The following DYNLRB1 variants were observed in gnomAD, a reference collection of about 807,000 sequenced individuals.
The protein encoded by DYNLRB1 is dynein light chain roadblock-type 1.
DYNLRB1 carries 6 observed loss-of-function variants against 13.5 expected under a neutral mutation model. That is an observed-to-expected ratio of 0.44 (90% CI 0.24 to 0.88). DYNLRB1 has a LOEUF of 0.88. DYNLRB1 is among the 40% of genes least tolerant of loss of function. DYNLRB1 has a pLI of 0.21. For synonymous variants in DYNLRB1, 43 were observed against 45.0 expected, an observed-to-expected ratio of 0.96 and a Z score of 0.18; for missense variants, 93 against 127.2, an observed-to-expected ratio of 0.73 and a Z score of 1.29.
At chr20:34,531,720 G>A (rs1980726890) in intron 2 of DYNLRB1, among the ~76,000 whole-genome samples, 1 of 152,210 alleles carries the variant, frequency 6.6e-6, no homozygotes. Flanking sequence ...AGCCCTTGGG[G>A]AGCTTACATT....
At chr20:34,528,162 A>T (rs1980384820) in intron 2 of DYNLRB1, among the ~76,000 whole-genome samples, 1 of 92,050 alleles carries the variant, frequency 1.1e-5, no homozygotes, top group Non-Finnish European at 2.3e-5. Flanking sequence ...AATACAAAAA[A>T]TTAGCCGGGC....
chr20:34,522,272 C>G (rs1979783123), intron 1 of DYNLRB1, among the ~76,000 whole-genome samples: 1 of 152,066 alleles, frequency 6.6e-6, no homozygotes, highest in South Asian at 2.1e-4. Context: ...CCTTTCCAAA[C>G]CTGTTTCCCC....
chr20:34,529,148 T>G (rs1180060844), intron 2 of DYNLRB1, among the ~76,000 whole-genome samples: 1 of 152,162 alleles, frequency 6.6e-6, no homozygotes, highest in East Asian at 1.9e-4. Flanking sequence ...CACGGTTTGT[T>G]TATGTGTTTC....
chr20:34,529,097 A>G (rs1307311911), intron 2 of DYNLRB1, among the ~76,000 whole-genome samples: 1 of 152,214 alleles, frequency 6.6e-6, no homozygotes, highest in African/African-American at 2.4e-5. Context: ...GAAGTGGTAC[A>G]GCAGTGCCTG....
intron 2 of DYNLRB1, among the ~76,000 whole-genome samples, chr20:34,527,243 C>G (rs1277666020): frequency 2.0e-5 from 3 of 152,232 alleles, no homozygotes; most frequent in Non-Finnish European, 4.4e-5. Flanking sequence ...CCCCCAGACC[C>G]TCACGCTCCA....
At position 34,540,790 on chromosome 20, in the gene DYNLRB1, C is replaced by T; in HGVS notation, c.*166C>T. ...CTCTTCTCCCCCACCAACGGAACCCCTGTGTGCACCAACCTTCCCCAGAGC... is the reference window on the plus strand; with the variant it reads ...CTCTTCTCCCCCACCAACGGAACCCTTGTGTGCACCAACCTTCCCCAGAGC... On this transcript the variant is annotated 3_prime_UTR_variant, in exon 4 of 4. Transcript: ENST00000357156. 1 of 641,490 alleles carries T rather than the reference C, an allele frequency of 1.6e-6. No individual in the cohort carries two copies. Among genetic ancestry groups the T allele is most frequent in the Non-Finnish European group, 2.6e-6 (1 of 379,996 alleles). 39.7% of individuals were successfully genotyped at this position (641,490 alleles called of 1,614,324 possible). A position where few individuals can be genotyped will look rare whatever the true frequency, so the allele number is the denominator to read the frequency against.
chr20:34,516,923 A>T (rs1478890294), intron 1 of DYNLRB1: 1 of 1,376,724 alleles, frequency 7.3e-7, no homozygotes, highest in African/African-American at 1.5e-5. Flanking sequence ...TCTGTTATTC[A>T]GCGCCCCGAG....
intron 3 of DYNLRB1, among the ~76,000 whole-genome samples, chr20:34,537,678 G>A (rs1981254285): frequency 6.6e-6 from 1 of 152,224 alleles, no homozygotes; most frequent in Non-Finnish European, 1.5e-5. Flanking sequence ...GGAGGCCCTG[G>A]CGCTGAATTG....
chr20:34,535,037 C>T (rs1568603799), intron 3 of DYNLRB1: 6 of 1,346,952 alleles, frequency 4.5e-6, no homozygotes, highest in Non-Finnish European at 4.8e-6. Flanking sequence ...ACGTGAGCAT[C>T]ATGTGTGTCT....
chr20:34,521,845 A>C (rs1979745522), intron 1 of DYNLRB1, among the ~76,000 whole-genome samples: 2 of 152,188 alleles, frequency 1.3e-5, no homozygotes, highest in African/African-American at 4.8e-5. Context: ...CAGGAGTTCA[A>C]GACCAGCCTG....
chr20:34,532,402 C>G (rs1319567168), intron 2 of DYNLRB1, among the ~76,000 whole-genome samples: 9 of 152,108 alleles, frequency 5.9e-5, no homozygotes, highest in African/African-American at 2.2e-4. Flanking sequence ...AGCCCAGGAC[C>G]CTATTAATCT....
At chr20:34,524,658 C>G (rs939578022) in intron 1 of DYNLRB1, among the ~76,000 whole-genome samples, 1 of 152,016 alleles carries the variant, frequency 6.6e-6, no homozygotes, top group Non-Finnish European at 1.5e-5. Context: ...TGTACTCTCA[C>G]GTCCACAGAG....
chr20:34,535,230 CA>C (rs1981049723), intron 3 of DYNLRB1: 1 of 985,318 alleles, frequency 1.0e-6, no homozygotes, highest in Admixed American at 6.1e-5. Flanking sequence ...GAAGAATATT[CA>C]GTGATTCTTC....
intron 2 of DYNLRB1, among the ~76,000 whole-genome samples, chr20:34,528,997 C>A (rs1201693636): frequency 3.3e-4 from 49 of 150,620 alleles, no homozygotes; most frequent in Middle Eastern, 3.4e-3. Context: ...AAAAAAAAAA[C>A]AAAAAGTAAC....
chr20:34,518,998 T>G (rs1234952373), intron 1 of DYNLRB1, among the ~76,000 whole-genome samples: 2 of 152,132 alleles, frequency 1.3e-5, no homozygotes, highest in African/African-American at 2.4e-5. Context: ...GTTCGAGTGA[T>G]TCTCCTGCCT....
At position 34,516,980 on chromosome 20, in the gene DYNLRB1, C is replaced by T. The variant is rs910010360; in HGVS notation, c.3+519C>T. 6.2e-6 allele frequency: 8 copies of T among 1,287,036 alleles called. No individual in the cohort carries two copies. The African/African-American group carries it at 1.2e-4, about 20-fold the overall frequency. 79.7% of individuals were successfully genotyped at this position (1,287,036 alleles called of 1,614,324 possible). A position where few individuals can be genotyped will look rare whatever the true frequency, so the allele number is the denominator to read the frequency against. On this transcript the variant is annotated intron_variant, in intron 1 of 3. Coordinates refer to ENST00000357156, the MANE Select transcript of DYNLRB1 (RefSeq NM_014183.4). Reference sequence around the variant, plus strand: ...GAAATAGTGGAGATGGATTTGAACCCTAGAAGCTTGACGGCCGCCACTCTG... The same window carrying T: ...GAAATAGTGGAGATGGATTTGAACCTTAGAAGCTTGACGGCCGCCACTCTG...
intron 1 of DYNLRB1, among the ~76,000 whole-genome samples, chr20:34,520,056 G>A (rs948529637): frequency 6.6e-6 from 1 of 152,126 alleles, no homozygotes; most frequent in African/African-American, 2.4e-5. Context: ...TTGAACCCGG[G>A]AGGCGGGGGT....
At chr20:34,534,981 G>GGGACC (rs1169839648) in intron 3 of DYNLRB1, 186 bp downstream of exon 3, 7 of 1,447,158 alleles carry the variant, frequency 4.8e-6, no homozygotes, top group Non-Finnish European at 4.5e-6. Flanking sequence ...GATCCTCCCA[G>GGGACC]GGACCGGCCC....
At chr20:34,534,447 C>T (rs768902205) in intron 2 of DYNLRB1, among the ~76,000 whole-genome samples, 181 bp from the exon 3 acceptor site, 12 of 151,954 alleles carry the variant, frequency 7.9e-5, no homozygotes, top group Admixed American at 5.2e-4. Flanking sequence ...CAGAGTAGTT[C>T]TAGGGCATGG....
Sources: allele counts gnomAD v4.1 joint callset (sites outside exome capture counted in the v4.1 genomes callset), GRCh38; gene constraint gnomAD v4.1.1; transcripts MANE v1.5; gene names NCBI Gene and HGNC (gene_info 2026-07-23, HGNC 2026-07-21).